VPS13B: variants seen among roughly 807,000 people sequenced by gnomAD.
VPS13B encodes the protein intermembrane lipid transfer protein VPS13B.
VPS13B carries 285 observed loss-of-function variants against 426.4 expected under a neutral mutation model. That is an observed-to-expected ratio of 0.67 (90% CI 0.61 to 0.74). The LOEUF (loss-of-function observed/expected upper bound fraction) is 0.74. Among genes scored for constraint, VPS13B ranks in the 30% least tolerant of loss-of-function variants. VPS13B has a pLI of 0.00. For synonymous variants in VPS13B, 1,676 were observed against 1,676.4 expected (o/e 1.00, Z 0.01); for missense variants, 4,537 against 4,782.6 (o/e 0.95, Z 1.51).
chr8:99,081,041 T>C lies in VPS13B; in HGVS notation c.292-15271T>C, dbSNP rs186474433. 1.5e-3 allele frequency among the ~76,000 whole-genome samples: 230 copies of C among 152,338 alleles called. 1 individual carries two copies. The highest frequency in any genetic ancestry group is 2.8e-3 in the Non-Finnish European group (191 of 68,028). ...CTTATTTCGTTTTTCATGAGGTTTG[T>C]TTACTTCTGACACCCTTTATACATA... On this transcript the variant is annotated intron_variant, in intron 3 of 61. Transcript: ENST00000357162.
At chr8:99,088,720 T>G (rs1056758037) in intron 3 of VPS13B, among the ~76,000 whole-genome samples, 3 of 152,232 alleles carry the variant, frequency 2.0e-5, no homozygotes, top group African/African-American at 7.2e-5. Flanking sequence ...CTCCCATTCA[T>G]AAGTTTAATT....
intron 12 of VPS13B, among the ~76,000 whole-genome samples, chr8:99,139,283 G>A (rs565862703): frequency 1.3e-5 from 2 of 152,092 alleles, no homozygotes; most frequent in South Asian, 4.2e-4. Context: ...CCACTGTCTT[G>A]CTTTTGGTTT....
intron 17 of VPS13B, among the ~76,000 whole-genome samples, chr8:99,245,602 C>G (rs1182816887): frequency 2.0e-5 from 3 of 152,150 alleles, no homozygotes; most frequent in African/African-American, 7.2e-5. Flanking sequence ...GCTCTGTCGC[C>G]CAGGCTGGAG....
chr8:99,432,690 A>C (rs978951078), intron 22 of VPS13B, among the ~76,000 whole-genome samples: 1 of 152,208 alleles, frequency 6.6e-6, no homozygotes, highest in Non-Finnish European at 1.5e-5. Context: ...CCTGAAGACT[A>C]TACTGGAAGA....
chr8:99,635,833 C>G (rs1191297070), intron 33 of VPS13B, among the ~76,000 whole-genome samples: 1 of 151,874 alleles, frequency 6.6e-6, no homozygotes, highest in African/African-American at 2.4e-5. Flanking sequence ...TAATGCATTC[C>G]TTGGTATTGT....
chr8:99,461,649 A>G (rs1015023422), intron 23 of VPS13B, among the ~76,000 whole-genome samples: 3 of 152,138 alleles, frequency 2.0e-5, no homozygotes, highest in Admixed American at 6.5e-5. Context: ...TTTCTCATCC[A>G]GACCCATCAC....
chr8:99,442,488 G>A lies in VPS13B; in HGVS notation c.3298G>A (p.Val1100Ile), dbSNP rs1190221547. The A allele has an allele frequency of 1.2e-6, 2 of 1,613,878 alleles. No individual in the cohort carries two copies. Among genetic ancestry groups the A allele is most frequent in the Non-Finnish European group, 1.7e-6 (2 of 1,179,920 alleles). Reference sequence around the variant, plus strand: ...TGTATCTGGTGACATTCCTGGAACAGTAAGAAGTTGGTACCATGGACAAAC... The same window carrying A: ...TGTATCTGGTGACATTCCTGGAACAATAAGAAGTTGGTACCATGGACAAAC... ...TIVSGDIPGTVRSWYHGQTSM... is the reference protein window; with the variant it reads ...TIVSGDIPGTIRSWYHGQTSM... Residue 1100 changes from valine (V) to isoleucine (I), a missense_variant, in exon 23 of 62, where the codon GTA becomes ATA. Physicochemically the swap from Val to Ile is conservative, Grantham distance 29. Transcript: ENST00000357162.
At chr8:99,189,686 ATTG>A (rs1474858310) in intron 16 of VPS13B, among the ~76,000 whole-genome samples, 6 of 152,076 alleles carry the variant, frequency 3.9e-5, no homozygotes, top group Admixed American at 3.9e-4. Flanking sequence ...ATTTTTCAAA[ATTG>A]TTATTTTTGT....
intron 19 of VPS13B, among the ~76,000 whole-genome samples, chr8:99,366,520 T>G (rs1249175479): frequency 2.0e-5 from 3 of 148,632 alleles, no homozygotes; most frequent in Non-Finnish European, 4.5e-5. Flanking sequence ...TTGGGTCTTG[T>G]TTTTTTTTGT....
intron 21 of VPS13B, among the ~76,000 whole-genome samples, chr8:99,403,266 G>A (rs1264928977): frequency 6.6e-6 from 1 of 151,948 alleles, no homozygotes; most frequent in Non-Finnish European, 1.5e-5. Flanking sequence ...AGAAAAACAG[G>A]TCTTATCCAG....
rs576800515 is a variant in VPS13B at position 99,864,656 on chromosome 8, A to G, written c.11215+2710A>G. ...AAAAAGACAGAAACGTTAAGGACCCAGTTAATAAAAATATATTAAAGGAAA... is the reference window on the plus strand; with the variant it reads ...AAAAAGACAGAAACGTTAAGGACCCGGTTAATAAAAATATATTAAAGGAAA... On this transcript the variant is annotated intron_variant, in intron 58 of 61. Transcript: ENST00000357162. Among the ~76,000 whole-genome samples, 11 of 152,390 alleles carry G rather than the reference A, an allele frequency of 7.2e-5. No homozygotes were observed. The East Asian group carries it at 2.1e-3, about 29-fold the overall frequency.
chr8:99,099,051 A>G (rs1846588937), intron 4 of VPS13B, among the ~76,000 whole-genome samples: 1 of 152,006 alleles, frequency 6.6e-6, no homozygotes, highest in African/African-American at 2.4e-5. Context: ...AACTTCTGTG[A>G]CCATCTTAAA....
intron 30 of VPS13B, 92 bp from the exon 31 acceptor site, chr8:99,556,358 A>G: frequency 2.2e-6 from 3 of 1,368,746 alleles, no homozygotes; most frequent in South Asian, 1.2e-5. Flanking sequence ...AAAAAATGGT[A>G]TTGACACTAT....
chr8:99,384,408 T>A (rs2133295777), intron 20 of VPS13B, 91 bp downstream of exon 20: 1 of 1,048,660 alleles, frequency 9.5e-7, no homozygotes, highest in Admixed American at 1.9e-5. Flanking sequence ...GATTCTTTTT[T>A]AACAAATGTA....
chr8:99,871,346 C>T (rs1588811613), intron 60 of VPS13B, 102 bp from the exon 61 acceptor site: 1 of 1,575,064 alleles, frequency 6.3e-7, no homozygotes, highest in East Asian at 2.2e-5. Flanking sequence ...GGTGAGGGCC[C>T]TTTGCCCTTG....
chr8:99,431,170 T>C (rs1029304538), intron 21 of VPS13B, among the ~76,000 whole-genome samples: 1 of 152,238 alleles, frequency 6.6e-6, no homozygotes, highest in African/African-American at 2.4e-5. Context: ...ATTTTATTGA[T>C]GTATTGCCTT....
intron 17 of VPS13B, among the ~76,000 whole-genome samples, chr8:99,217,931 T>A (rs898781147): frequency 1.3e-5 from 2 of 152,154 alleles, no homozygotes; most frequent in African/African-American, 4.8e-5. Flanking sequence ...CATAAAACAT[T>A]TGCCAGTTTC....
intron 25 of VPS13B, among the ~76,000 whole-genome samples, chr8:99,498,978 A>G (rs926461666): frequency 3.3e-5 from 5 of 152,130 alleles, no homozygotes; most frequent in East Asian, 1.9e-4. Context: ...TAGAGTAGCA[A>G]TGGGGCCAAA....
chr8:99,370,770 C>T (rs917676711), intron 19 of VPS13B, among the ~76,000 whole-genome samples: 3 of 151,798 alleles, frequency 2.0e-5, no homozygotes, highest in Non-Finnish European at 4.4e-5. Context: ...CCACCATGCC[C>T]GACTAATTTT....
Sources: gnomAD v4.1 joint callset for allele counts (sites outside exome capture counted in the v4.1 genomes callset) on GRCh38, gnomAD v4.1.1 for gene constraint, MANE v1.5 for transcripts, NCBI Gene and HGNC (gene_info 2026-07-23, HGNC 2026-07-21) for gene names.